The following NDUFA11 variants were observed in gnomAD, a reference collection of about 807,000 sequenced individuals.
NDUFA11 encodes the protein NADH dehydrogenase [ubiquinone] 1 alpha subcomplex subunit 11.
In NDUFA11, 14 loss-of-function variants were observed where a neutral mutation model predicts 11.3. The observed-to-expected ratio is 1.24, with a 90% CI of 0.82 to 1.94. The LOEUF is 1.94. Among genes scored for constraint, NDUFA11 ranks in the 30% most tolerant of loss-of-function variants. The pLI is 0.00. For synonymous variants in NDUFA11, 87 were observed against 85.6 expected, an observed-to-expected ratio of 1.02 and a Z score of -0.09; for missense variants, 204 against 200.3, an observed-to-expected ratio of 1.02 and a Z score of -0.11.
downstream of NDUFA11, chr19:5,892,875 G>A (rs1568429041): frequency 7.1e-7 from 1 of 1,409,414 alleles, no homozygotes; most frequent in South Asian, 1.7e-5. Flanking sequence ...GAAAGCTGAG[G>A]CCTGGGTGCT....
downstream of NDUFA11, among the ~76,000 whole-genome samples, chr19:5,894,138 G>T (rs2057593036): frequency 6.6e-6 from 1 of 152,238 alleles, no homozygotes; most frequent in Non-Finnish European, 1.5e-5. Flanking sequence ...CAGGTGCTGA[G>T]GGGGGTCCTG....
chr19:5,892,928 G>T, downstream of NDUFA11: 1 of 1,442,870 alleles, frequency 6.9e-7, no homozygotes, highest in South Asian at 1.5e-5. Flanking sequence ...CAAGTTCTGG[G>T]GTTCGAACCC....
chr19:5,892,592 G>T (rs545827539), downstream of NDUFA11: 32 of 240,600 alleles, frequency 1.3e-4, no homozygotes, highest in African/African-American at 6.7e-4. Context: ...GGGGGATGAG[G>T]GACAGACAAG....
chr19:5,892,673 C>A (rs77452913), downstream of NDUFA11: 2 of 409,920 alleles, frequency 4.9e-6, no homozygotes, highest in Admixed American at 4.3e-5. Context: ...CTGGGGATGA[C>A]CGCCCGGGTC....
chr19:5,892,918 C>T (rs1469618979), downstream of NDUFA11: 4 of 1,438,490 alleles, frequency 2.8e-6, no homozygotes, highest in African/African-American at 5.7e-5. Flanking sequence ...AGGAAAGAAT[C>T]AAGTTCTGGG....
Position 5,903,712 on chromosome 19 carries a change from C to A in NDUFA11, c.-4G>T. On this transcript the variant is annotated 5_prime_UTR_variant, in exon 1 of 4. Coordinates refer to ENST00000308961, the MANE Select transcript of NDUFA11 (RefSeq NM_175614.5). Reference sequence around the variant, plus strand: ...GACGAAAAACCTTCGGCGCCATAGCCCGCAATCTCGATCCCGCACCACGGA... The same window carrying A: ...GACGAAAAACCTTCGGCGCCATAGCACGCAATCTCGATCCCGCACCACGGA... 6.4e-7 allele frequency: 1 copy of A among 1,551,458 alleles called. No individual in the cohort carries two copies. Among genetic ancestry groups the A allele is most frequent in the Non-Finnish European group, 8.7e-7 (1 of 1,146,880 alleles).
intron 1 of NDUFA11, among the ~76,000 whole-genome samples, chr19:5,899,298 C>A (rs1019171709): frequency 1.7e-4 from 25 of 150,274 alleles, no homozygotes; most frequent in African/African-American, 6.1e-4. Flanking sequence ...TACAGGCGCC[C>A]GCCACCACGC....
At chr19:5,895,100 C>A (rs554605278) in intron 3 of NDUFA11, 82 of 538,954 alleles carry the variant, frequency 1.5e-4, no homozygotes, top group Non-Finnish European at 2.5e-4. Context: ...CATCCCGCCC[C>A]ACACTGACTT....
chr19:5,896,921 T>C lies in NDUFA11; in HGVS notation c.174A>G (p.Gln58=). 2.5e-6 allele frequency: 4 copies of C among 1,613,908 alleles called. No homozygotes were observed. The highest frequency in any genetic ancestry group is 3.4e-6 in the Non-Finnish European group (4 of 1,179,944). Residue 58 remains glutamine, a synonymous_variant, in exon 2 of 4, where the codon CAA becomes CAG. Coordinates refer to ENST00000308961, the MANE Select transcript of NDUFA11 (RefSeq NM_175614.5). The surrounding 1 kb of genome is among the most constrained non-coding windows in gnomAD (Gnocchi z 5.8). ...TFLEGVAKVG[Q]YTFTAAAVGA... ...CGTGCTCACCTGCAGTGAACGTGTATTGTCCAACCTTAGCCACTCCTTCAA... is the reference window on the plus strand; with the variant it reads ...CGTGCTCACCTGCAGTGAACGTGTACTGTCCAACCTTAGCCACTCCTTCAA...
chr19:5,900,704 G>A (rs1199407995), intron 1 of NDUFA11, among the ~76,000 whole-genome samples: 1 of 152,148 alleles, frequency 6.6e-6, no homozygotes, highest in Non-Finnish European at 1.5e-5. Context: ...GATCACCTGA[G>A]GTCAGGAGGT....
downstream of NDUFA11, among the ~76,000 whole-genome samples, chr19:5,893,705 G>A (rs969148181): frequency 6.6e-6 from 1 of 152,166 alleles, no homozygotes; most frequent in African/African-American, 2.4e-5. The surrounding 1 kb of genome is among the most constrained non-coding windows in gnomAD (Gnocchi z 4.1). Context: ...GGAGTTCCAG[G>A]CTGAGTTACT....
At chr19:5,892,391 GC>G (rs934166578), downstream of NDUFA11, 1 of 155,986 alleles carries the variant, frequency 6.4e-6, no homozygotes, top group Non-Finnish European at 1.4e-5. Context: ...CTTGCAGGGG[GC>G]GGAGGCCTGC....
chr19:5,900,755 T>A (rs1477930489), intron 1 of NDUFA11, among the ~76,000 whole-genome samples: 2 of 151,784 alleles, frequency 1.3e-5, no homozygotes, highest in African/African-American at 4.8e-5. Context: ...TTGTCTCTAC[T>A]AAAAATACAA....
intron 1 of NDUFA11, among the ~76,000 whole-genome samples, chr19:5,897,763 T>C (rs776706294): frequency 1.3e-5 from 2 of 152,176 alleles, no homozygotes. Flanking sequence ...AGGTAGGTGG[T>C]GGGGACGGAG....
intron 1 of NDUFA11, chr19:5,901,361 G>C (rs766322786): frequency 1.0e-5 from 13 of 1,287,108 alleles, no homozygotes; most frequent in Non-Finnish European, 1.3e-5. Flanking sequence ...TTGCTTCAGA[G>C]ACCCCTAGGA....
chr19:5,903,468 C>T (rs35728843), intron 1 of NDUFA11, 144 bp downstream of exon 1: 6 of 755,470 alleles, frequency 7.9e-6, no homozygotes, highest in Admixed American at 7.3e-5. Context: ...AAGATCCCCC[C>T]CTACGACCGC....
rs540262564 is a variant in NDUFA11 at position 5,897,310 on chromosome 19, G to A, written c.98-313C>T. Among the ~76,000 whole-genome samples the A allele has an allele frequency of 7.2e-5, 11 of 152,274 alleles. No individual in the cohort carries two copies. The South Asian group carries it at 1.9e-3, about 26-fold the overall frequency. On this transcript the variant is annotated intron_variant, in intron 1 of 3. Transcript: ENST00000308961. ...GCCATGCTGGCCCTGGCAGGGCACC[G>A]GCCGGCAGACGGAGACTCATCCACG...
At chr19:5,892,985 C>G, downstream of NDUFA11, 5 of 1,520,190 alleles carry the variant, frequency 3.3e-6, no homozygotes, top group Middle Eastern at 3.4e-4. Context: ...GGTGTCAGGG[C>G]CCCTGCCCCT....
chr19:5,896,304 AGCT>A lies in NDUFA11; in HGVS notation c.313+146_313+148del. On this transcript the variant is annotated intron_variant, in intron 3 of 3. Transcript: ENST00000308961. The surrounding 1 kb of genome is among the most constrained non-coding windows in gnomAD (Gnocchi z 5.8). ...CAGTAGGTGCTTAAGCAGCAGCAGCAGCTGTCGCTATGACTGAAATGGCTGGTG... is the reference window on the plus strand; with the variant it reads ...CAGTAGGTGCTTAAGCAGCAGCAGCAGTCGCTATGACTGAAATGGCTGGTG... 1.1e-6 allele frequency: 1 copy of A among 924,592 alleles called. No individual in the cohort carries two copies. The highest frequency in any genetic ancestry group is 1.6e-6 in the Non-Finnish European group (1 of 619,336). The allele number at this position is 924,592 out of a possible 1,614,324, so 57.3% of individuals were successfully genotyped here.
Sources: allele counts gnomAD v4.1 joint callset (sites outside exome capture counted in the v4.1 genomes callset), GRCh38; gene constraint gnomAD v4.1.1; non-coding constraint Gnocchi (gnomAD v3.1); transcripts MANE v1.5; gene names NCBI Gene and HGNC (gene_info 2026-07-23, HGNC 2026-07-21).